Variants in RAD51B observed in about 807,000 individuals in gnomAD.
RAD51B encodes the protein DNA repair protein RAD51 homolog 2.
In RAD51B, 38 loss-of-function variants were observed where a neutral mutation model predicts 42.2. That is an observed-to-expected ratio of 0.90 (90% CI 0.70 to 1.18). The LOEUF (loss-of-function observed/expected upper bound fraction) is 1.18, where lower values mean the gene tolerates loss of function less well. Ranked by LOEUF, RAD51B falls within the 50% of genes most tolerant of loss-of-function variation. The pLI is 0.00. For synonymous variants in RAD51B, 154 were observed against 145.2 expected, an observed-to-expected ratio of 1.06 and a Z score of -0.43; for missense variants, 373 against 400.7, an observed-to-expected ratio of 0.93 and a Z score of 0.59.
Position 67,835,100 on chromosome 14 carries a change from A to G in RAD51B, c.219A>G (p.Gln73=). Residue 73 remains glutamine, a synonymous_variant, in exon 4 of 11, where the codon CAA becomes CAG. Coordinates refer to ENST00000471583, the MANE Select transcript of RAD51B (RefSeq NM_133510.4). ...KMQTAYGIKA[Q]RSADFSPAFL... ...TTTAGGCTTATGGGATAAAAGCACA[A>G]AGGTCTGCTGATTTCTCACCAGCAT... The G allele has an allele frequency of 6.2e-7, 1 of 1,613,318 alleles. No individual in the cohort carries two copies. Among genetic ancestry groups the G allele is most frequent in the African/African-American group, 1.3e-5 (1 of 75,004 alleles).
At chr14:68,564,618 C>T (rs777812063) in intron 10 of RAD51B, among the ~76,000 whole-genome samples, 9 of 152,154 alleles carry the variant, frequency 5.9e-5, no homozygotes, top group Non-Finnish European at 1.2e-4. Flanking sequence ...GCCTTAACCC[C>T]GGGGTGGGTG....
chr14:68,011,186 G>A (rs1595253040), intron 7 of RAD51B, among the ~76,000 whole-genome samples: 2 of 152,110 alleles, frequency 1.3e-5, no homozygotes, highest in Admixed American at 1.3e-4. Flanking sequence ...CATAGTGTGT[G>A]CAACACCTTA....
At chr14:68,596,144 C>T (rs974703943), downstream of RAD51B, 4 of 587,870 alleles carry the variant, frequency 6.8e-6, no homozygotes, top group Middle Eastern at 1.4e-3. Context: ...ACTTCTGGGG[C>T]AAGAGGCACA....
At chr14:68,462,566 C>G (rs55792576) in intron 9 of RAD51B, among the ~76,000 whole-genome samples, 9,478 of 152,192 alleles carry the variant, frequency 0.062, 411 homozygotes, top group Non-Finnish European at 0.091. Context: ...ATAGTTGGAT[C>G]AATTAATCAA....
chr14:67,958,240 T>G (rs886976364), intron 7 of RAD51B, among the ~76,000 whole-genome samples: 14 of 152,186 alleles, frequency 9.2e-5, no homozygotes, highest in Admixed American at 7.9e-4. Flanking sequence ...TTATTTTTAT[T>G]TGATGATGAT....
intron 7 of RAD51B, among the ~76,000 whole-genome samples, chr14:68,016,974 A>T (rs551190842): frequency 6.6e-6 from 1 of 152,218 alleles, no homozygotes; most frequent in South Asian, 2.1e-4. Context: ...ATCAAAATTT[A>T]AAAATATAGA....
chr14:68,460,832 C>G (rs2085826633), intron 9 of RAD51B, among the ~76,000 whole-genome samples: 2 of 152,158 alleles, frequency 1.3e-5, no homozygotes, highest in Admixed American at 1.3e-4. Flanking sequence ...ACTGGGAAGC[C>G]TGCTGTTTTC....
chr14:68,057,865 G>A (rs2076503544), intron 7 of RAD51B, among the ~76,000 whole-genome samples: 2 of 148,968 alleles, frequency 1.3e-5, no homozygotes, highest in African/African-American at 2.5e-5. Flanking sequence ...GTGTTTGGTT[G>A]GCTTTTATTG....
intron 10 of RAD51B, among the ~76,000 whole-genome samples, chr14:68,544,918 C>G (rs911322087): frequency 6.6e-6 from 1 of 152,162 alleles, no homozygotes; most frequent in Non-Finnish European, 1.5e-5. Context: ...AACCAACAGA[C>G]CCCTGTGTTC....
At chr14:68,041,563 CTT>C (rs528739454) in intron 7 of RAD51B, among the ~76,000 whole-genome samples, 1 of 145,682 alleles carries the variant, frequency 6.9e-6, no homozygotes. Context: ...TTTATACTCT[CTT>C]TTTTTTTTTT....
chr14:68,399,308 G>A (rs1032612024), intron 8 of RAD51B, among the ~76,000 whole-genome samples: 1 of 149,344 alleles, frequency 6.7e-6, no homozygotes, highest in Admixed American at 6.7e-5. Flanking sequence ...CCAGGCTGGA[G>A]TGCAGTGGCG....
intron 7 of RAD51B, among the ~76,000 whole-genome samples, chr14:68,117,279 A>G (rs1024319226): frequency 1.7e-4 from 26 of 152,232 alleles, no homozygotes; most frequent in South Asian, 2.1e-4. Context: ...ACAAATTTCA[A>G]TGTATGAAAT....
At chr14:67,822,286 T>A (rs1174876561) in intron 1 of RAD51B, 1 of 152,156 alleles carries the variant, frequency 6.6e-6, no homozygotes, top group African/African-American at 2.4e-5. Flanking sequence ...CTTTTTTAGC[T>A]CTGTGAAGAT....
chr14:68,670,207 G>A (rs1252144365), intron 11 of RAD51B, among the ~76,000 whole-genome samples: 6 of 152,132 alleles, frequency 3.9e-5, no homozygotes, highest in Admixed American at 2.0e-4. Context: ...GGAACCGTCC[G>A]TGGGCCCTGC....
At chr14:67,960,368 T>C (rs2074639078) in intron 7 of RAD51B, among the ~76,000 whole-genome samples, 1 of 152,210 alleles carries the variant, frequency 6.6e-6, no homozygotes, top group African/African-American at 2.4e-5. Flanking sequence ...ATCGTTATGA[T>C]TGTTTCCTTT....
At chr14:67,898,557 CTT>C (rs1388552677) in intron 7 of RAD51B, among the ~76,000 whole-genome samples, 1 of 152,202 alleles carries the variant, frequency 6.6e-6, no homozygotes, top group Non-Finnish European at 1.5e-5. Flanking sequence ...AAAGGTAGAT[CTT>C]ACATTGTGTT....
chr14:68,353,116 C>G (rs759514605), intron 8 of RAD51B, among the ~76,000 whole-genome samples: 2 of 152,174 alleles, frequency 1.3e-5, no homozygotes, highest in African/African-American at 4.8e-5. Context: ...TCTTCCCTAG[C>G]CTTTCCTTAT....
intron 7 of RAD51B, among the ~76,000 whole-genome samples, chr14:68,169,715 C>A (rs1344551897): frequency 6.6e-6 from 1 of 151,960 alleles, no homozygotes; most frequent in Non-Finnish European, 1.5e-5. Context: ...AGGGTGGGTT[C>A]TTGCAAGGTA....
chr14:67,909,106 G>T (rs934604251), intron 7 of RAD51B, among the ~76,000 whole-genome samples: 32 of 152,072 alleles, frequency 2.1e-4, no homozygotes, highest in African/African-American at 7.2e-4. Context: ...AATACTGATA[G>T]ACATAACCCC....
Sources: allele counts gnomAD v4.1 joint callset (sites outside exome capture counted in the v4.1 genomes callset), GRCh38; gene constraint gnomAD v4.1.1; transcripts MANE v1.5; gene names NCBI Gene and HGNC (gene_info 2026-07-23, HGNC 2026-07-21).